Variants in DENND1B observed in about 807,000 individuals in gnomAD.
The protein encoded by DENND1B is DENN domain containing 1B.
In DENND1B, 59 loss-of-function variants were observed where a neutral mutation model predicts 90.1. The ratio of observed to expected loss-of-function variants is 0.65; its 90% CI spans 0.53 to 0.81. The LOEUF (loss-of-function observed/expected upper bound fraction) is 0.81. Ranked by LOEUF, DENND1B falls within the 40% of genes least tolerant of loss-of-function variation. The pLI is 0.00. For synonymous variants in DENND1B, 337 were observed against 324.6 expected, an observed-to-expected ratio of 1.04 and a Z score of -0.41; for missense variants, 862 against 912.6, an observed-to-expected ratio of 0.94 and a Z score of 0.71.
intron 2 of DENND1B, among the ~76,000 whole-genome samples, chr1:197,750,016 C>A (rs1006188728): frequency 1.3e-5 from 2 of 151,978 alleles, no homozygotes; most frequent in African/African-American, 4.8e-5. Context: ...CCAGCTAATT[C>A]TTTTATGGTT....
intron 20 of DENND1B, among the ~76,000 whole-genome samples, chr1:197,536,902 G>A (rs563415570): frequency 9.2e-5 from 14 of 152,114 alleles, no homozygotes; most frequent in African/African-American, 1.9e-4. Context: ...TTAGCCAGGC[G>A]TGGTGGCGGG....
chr1:197,628,371 G>A (rs528566701), intron 10 of DENND1B, among the ~76,000 whole-genome samples: 15 of 151,950 alleles, frequency 9.9e-5, no homozygotes, highest in East Asian at 1.9e-4. Context: ...AAATAACGCC[G>A]CATAACTACA....
chr1:197,768,274 C>A (rs74444147), intron 2 of DENND1B, among the ~76,000 whole-genome samples: 6,530 of 150,810 alleles, frequency 0.043, 209 homozygotes, highest in South Asian at 0.14. Flanking sequence ...TCCTCCTCCT[C>A]CTACTACTAC....
intron 11 of DENND1B, 54 bp from the exon 12 acceptor site, chr1:197,612,030 C>A: frequency 1.5e-6 from 2 of 1,375,496 alleles, no homozygotes; most frequent in East Asian, 2.4e-5. Flanking sequence ...AAAACTGAAA[C>A]AACAGTATAA....
At chr1:197,571,564 G>A (rs1280970347) in intron 15 of DENND1B, among the ~76,000 whole-genome samples, 1 of 151,942 alleles carries the variant, frequency 6.6e-6, no homozygotes, top group African/African-American at 2.4e-5. Context: ...AATCTAAATT[G>A]GCCATCCAGT....
intron 14 of DENND1B, among the ~76,000 whole-genome samples, chr1:197,591,750 G>A (rs1444517680): frequency 6.6e-6 from 1 of 152,144 alleles, no homozygotes; most frequent in African/African-American, 2.4e-5. Flanking sequence ...CTTTCCATTA[G>A]TGAATACTGA....
At chr1:197,777,974 C>A (rs778539211), upstream of DENND1B, among the ~76,000 whole-genome samples, 2 of 152,114 alleles carry the variant, frequency 1.3e-5, no homozygotes, top group Non-Finnish European at 2.9e-5. Context: ...ATCTGCTTGA[C>A]ATAATTCAAT....
chr1:197,621,279 A>C (rs2125871140), intron 10 of DENND1B, among the ~76,000 whole-genome samples: 1 of 150,678 alleles, frequency 6.6e-6, no homozygotes, highest in African/African-American at 2.4e-5. Flanking sequence ...ATTTGAGAAT[A>C]TACAAATTAA....
upstream of DENND1B, among the ~76,000 whole-genome samples, chr1:197,779,903 T>C (rs558835354): frequency 2.6e-5 from 4 of 152,316 alleles, no homozygotes; most frequent in African/African-American, 9.6e-5. Flanking sequence ...CTTCTATGTA[T>C]GTGATTTCTT....
At chr1:197,572,438 T>G (rs936361973) in intron 15 of DENND1B, among the ~76,000 whole-genome samples, 1 of 152,218 alleles carries the variant, frequency 6.6e-6, no homozygotes, top group African/African-American at 2.4e-5. Flanking sequence ...CGGAGGCCAC[T>G]GCAGCTCAGC....
intron 2 of DENND1B, among the ~76,000 whole-genome samples, chr1:197,756,653 T>C (rs1055399550): frequency 7.0e-6 from 1 of 142,730 alleles, no homozygotes; most frequent in East Asian, 2.0e-4. Context: ...AACAATGGCA[T>C]AAACAGCCAG....
chr1:197,640,058 G>A (rs1303068544), intron 10 of DENND1B, among the ~76,000 whole-genome samples: 1 of 152,060 alleles, frequency 6.6e-6, no homozygotes, highest in East Asian at 1.9e-4. Context: ...ATCAAACATA[G>A]AAAACAACTC....
intron 5 of DENND1B, among the ~76,000 whole-genome samples, chr1:197,659,932 A>AATG (rs1218274986): frequency 5.1e-4 from 77 of 152,168 alleles, no homozygotes; most frequent in African/African-American, 1.6e-3. Flanking sequence ...ACAAATACAA[A>AATG]ATGTTTATAT....
At chr1:197,588,143 C>G (rs12094462) in intron 14 of DENND1B, among the ~76,000 whole-genome samples, 11,674 of 152,204 alleles carry the variant, frequency 0.077, 542 homozygotes, top group Non-Finnish European at 0.098. Flanking sequence ...CAACCCAGTA[C>G]CCTGCATTTT....
At chr1:197,594,477 GTCT>G (rs1675511705) in intron 14 of DENND1B, among the ~76,000 whole-genome samples, 1 of 152,138 alleles carries the variant, frequency 6.6e-6, no homozygotes, top group Admixed American at 6.6e-5. Context: ...TAGATAGCAG[GTCT>G]TCTTATTACT....
Position 197,720,710 on chromosome 1 carries a change from T to C in DENND1B, c.83-5636A>G, listed in dbSNP as rs535953194. 5.3e-5 allele frequency among the ~76,000 whole-genome samples: 8 copies of C among 152,262 alleles called. 1 individual carries two copies. Among genetic ancestry groups the C allele is most frequent in the Admixed American group, 3.9e-4 (6 of 15,298 alleles). On this transcript the variant is annotated intron_variant, in intron 2 of 22. Transcript: ENST00000620048. ...GGCAAAACACAGATTTACTGCATGA[T>C]AGAAAGATATCACTCATTTTGACAA...
chr1:197,680,163 C>T (rs1180892547), intron 3 of DENND1B, among the ~76,000 whole-genome samples: 1 of 151,658 alleles, frequency 6.6e-6, no homozygotes, highest in Non-Finnish European at 1.5e-5. Context: ...TTAACACTAG[C>T]TTTTAAGCAG....
intron 2 of DENND1B, among the ~76,000 whole-genome samples, chr1:197,756,842 G>T (rs1344043792): frequency 6.6e-6 from 1 of 151,398 alleles, no homozygotes; most frequent in African/African-American, 2.4e-5. Context: ...GAAAGGGAAA[G>T]AAATATTTGC....
intron 15 of DENND1B, among the ~76,000 whole-genome samples, chr1:197,581,844 A>G (rs925442558): frequency 3.9e-5 from 6 of 152,210 alleles, no homozygotes; most frequent in African/African-American, 1.4e-4. Context: ...ATAATGGAAG[A>G]TAGTGCCTCT....
Sources: allele counts gnomAD v4.1 joint callset (sites outside exome capture counted in the v4.1 genomes callset), GRCh38; gene constraint gnomAD v4.1.1; transcripts MANE v1.5; gene names NCBI Gene and HGNC (gene_info 2026-07-23, HGNC 2026-07-21).